The following TRPM1 variants were observed in gnomAD, a reference collection of about 807,000 sequenced individuals.
The protein encoded by TRPM1 is transient receptor potential cation channel subfamily M member 1, also known as TRPM1-203 APA Isoform, Intron 10.
Under a neutral mutation model 149.4 loss-of-function variants are expected in TRPM1, and 113 were observed. The ratio of observed to expected loss-of-function variants is 0.76; its 90% CI spans 0.65 to 0.88. TRPM1 has a LOEUF of 0.88. TRPM1 is among the 40% of genes least tolerant of loss of function. The pLI, the probability that TRPM1 is intolerant of heterozygous loss-of-function variation, is 0.00. For missense variants in TRPM1, 1,976 were observed against 2,038.7 expected, an observed-to-expected ratio of 0.97 and a Z score of 0.59; for synonymous variants, 741 against 759.5, an observed-to-expected ratio of 0.98 and a Z score of 0.40.
intron 1 of TRPM1, among the ~76,000 whole-genome samples, chr15:31,123,890 G>A (rs1007134052): frequency 1.6e-5 from 2 of 126,122 alleles, no homozygotes; most frequent in Non-Finnish European, 3.3e-5. Flanking sequence ...GCACACAAAT[G>A]TCTATGACAG....
chr15:31,142,203 C>T (rs1216538589), intron 1 of TRPM1, among the ~76,000 whole-genome samples: 5 of 152,094 alleles, frequency 3.3e-5, no homozygotes, highest in African/African-American at 1.2e-4. Flanking sequence ...AAGGGTGTCT[C>T]CCTCTCTGCA....
chr15:31,062,875 C>A, intron 8 of TRPM1, 173 bp from the exon 9 acceptor site: 1 of 995,236 alleles, frequency 1.0e-6, no homozygotes, highest in Non-Finnish European at 1.5e-6. Context: ...TAAATTCCAG[C>A]TTTGTTGCAA....
Position 31,067,184 on chromosome 15 carries a change from AC to A in TRPM1, c.496del (p.Val166LeufsTer5). The A allele has an allele frequency of 6.2e-7, 1 of 1,614,152 alleles. No homozygotes were observed. Among genetic ancestry groups the A allele is most frequent in the Non-Finnish European group, 8.5e-7 (1 of 1,180,020 alleles). On this transcript the variant is annotated frameshift_variant and splice_region_variant, in exon 6 of 28. Transcript: ENST00000256552. LOFTEE classifies it high-confidence loss of function. ...WIFTGGVSTG[V>X]ISHVGDALKD... ...CAAGGCATCCCCTACGTGGCTGATA[AC>A]ACCTGTGAGCAGCCATTGGTCATAT...
chr15:31,068,121 CT>C (rs749393503), intron 4 of TRPM1, 29 bp from the exon 5 acceptor site: 3 of 1,601,790 alleles, frequency 1.9e-6, no homozygotes, highest in South Asian at 2.2e-5. Context: ...CACTCAGCCT[CT>C]GTTCTTGGTT....
chr15:31,117,063 G>C (rs1456611839), intron 1 of TRPM1, among the ~76,000 whole-genome samples: 1 of 152,158 alleles, frequency 6.6e-6, no homozygotes, highest in African/African-American at 2.4e-5. Context: ...TATACTAAGG[G>C]TTCTGGCTGG....
chr15:31,060,991 C>T (rs924510715), intron 10 of TRPM1, among the ~76,000 whole-genome samples: 1 of 152,164 alleles, frequency 6.6e-6, no homozygotes, highest in South Asian at 2.1e-4. Flanking sequence ...TCTCTGTCCT[C>T]CCTGCCCCCT....
chr15:31,060,835 C>A (rs1350189545), intron 10 of TRPM1, among the ~76,000 whole-genome samples, 191 bp from the exon 11 acceptor site: 1 of 152,228 alleles, frequency 6.6e-6, no homozygotes, highest in Admixed American at 6.5e-5. Context: ...AAGGTGGAGG[C>A]AGCCTCTTCC....
intron 27 of TRPM1, among the ~76,000 whole-genome samples, chr15:31,014,097 A>G (rs1231196817): frequency 6.6e-6 from 1 of 152,166 alleles, no homozygotes; most frequent in Non-Finnish European, 1.5e-5. Context: ...CTATGCATGC[A>G]CATAGCTTTC....
intron 1 of TRPM1, among the ~76,000 whole-genome samples, chr15:31,098,999 T>C (rs1481328236): frequency 2.0e-5 from 3 of 152,172 alleles, no homozygotes; most frequent in East Asian, 1.9e-4. Context: ...CACTTAGCAA[T>C]TGAAGATACA....
At chr15:31,057,858 T>C (rs1257189641) in intron 11 of TRPM1, among the ~76,000 whole-genome samples, 1 of 152,170 alleles carries the variant, frequency 6.6e-6, no homozygotes, top group East Asian at 1.9e-4. Context: ...AAAGAGTTCT[T>C]ATGAGAATTG....
chr15:31,067,376 A>C (rs2034407520), intron 5 of TRPM1, among the ~76,000 whole-genome samples, 189 bp from the exon 6 acceptor site: 1 of 152,220 alleles, frequency 6.6e-6, no homozygotes, highest in Non-Finnish European at 1.5e-5. Context: ...TCTTGCATTA[A>C]CTCTAGAAAC....
intron 21 of TRPM1, among the ~76,000 whole-genome samples, chr15:31,035,153 T>G (rs2033296392): frequency 6.6e-6 from 1 of 152,176 alleles, no homozygotes; most frequent in Non-Finnish European, 1.5e-5. Context: ...TACAGGCAAC[T>G]GCCACACGAC....
chr15:31,095,907 G>A (rs778545307), intron 1 of TRPM1, among the ~76,000 whole-genome samples: 65 of 151,866 alleles, frequency 4.3e-4, no homozygotes, highest in Non-Finnish European at 6.9e-4. Flanking sequence ...TTAGCCAGGC[G>A]TGGTGGCAGT....
intron 3 of TRPM1, among the ~76,000 whole-genome samples, chr15:31,071,996 TATATATATATATATATATATATAG>T (rs1185915611): frequency 9.8e-4 from 70 of 71,184 alleles, no homozygotes; most frequent in African/African-American, 3.6e-3. Context: ...TATATATATA[TATATATATATATATATATATATAG>T]AGAGAGAGAG....
At chr15:31,143,394 TTGTTG>T (rs1345147125) in intron 1 of TRPM1, among the ~76,000 whole-genome samples, 4 of 152,158 alleles carry the variant, frequency 2.6e-5, no homozygotes, top group East Asian at 1.9e-4. Context: ...CAGTTTTGTT[TTGTTG>T]TGTTTTGTTT....
intron 21 of TRPM1, 24 bp downstream of exon 21, chr15:31,035,522 G>A (rs775666180): frequency 6.2e-7 from 1 of 1,613,962 alleles, no homozygotes; most frequent in Non-Finnish European, 8.5e-7. Context: ...TTAGTGGGCT[G>A]GGGGAGGCCT....
chr15:31,007,379 A>G (rs2032029305), intron 27 of TRPM1, among the ~76,000 whole-genome samples: 1 of 152,200 alleles, frequency 6.6e-6, no homozygotes, highest in African/African-American at 2.4e-5. Flanking sequence ...CCAAGACCAC[A>G]CTGTCTTCAT....
At chr15:31,030,928 T>A in intron 23 of TRPM1, 55 bp downstream of exon 23, 1 of 1,601,834 alleles carries the variant, frequency 6.2e-7, no homozygotes, top group Non-Finnish European at 8.6e-7. Context: ...AATTTGGAAC[T>A]GATCATCTGC....
chr15:31,048,065 C>G, intron 13 of TRPM1, 126 bp from the exon 14 acceptor site: 1 of 795,512 alleles, frequency 1.3e-6, no homozygotes, highest in Non-Finnish European at 2.2e-6. Context: ...TAGTTTGAGG[C>G]CAGCCTGGCC....
Sources: gnomAD v4.1 joint callset for allele counts (sites outside exome capture counted in the v4.1 genomes callset) on GRCh38, gnomAD v4.1.1 for gene constraint, MANE v1.5 for transcripts, NCBI Gene and HGNC (gene_info 2026-07-23, HGNC 2026-07-21) for gene names.